Variants in GABPB1 observed in about 807,000 individuals in gnomAD.
GABPB1 encodes GA-binding protein subunit beta-1.
GABPB1 carries 15 observed loss-of-function variants against 45.9 expected under a neutral mutation model. The ratio of observed to expected loss-of-function variants is 0.33; its 90% confidence interval spans 0.22 to 0.50. GABPB1 has a LOEUF of 0.50. Ranked by LOEUF, GABPB1 falls within the 20% of genes least tolerant of loss-of-function variation. The pLI, the probability that GABPB1 is intolerant of heterozygous loss-of-function variation, is 0.98. For synonymous variants in GABPB1, 143 were observed against 154.4 expected, an observed-to-expected ratio of 0.93 and a Z score of 0.55; for missense variants, 252 against 457.5, an observed-to-expected ratio of 0.55 and a Z score of 4.10.
chr15:50,319,719 C>G (rs2047488313), intron 1 of GABPB1, among the ~76,000 whole-genome samples: 1 of 152,090 alleles, frequency 6.6e-6, no homozygotes, highest in African/African-American at 2.4e-5. Flanking sequence ...CGCCTGTAAT[C>G]CCAGCTACTC....
chr15:50,279,597 T>C (rs2045912468), intron 8 of GABPB1, among the ~76,000 whole-genome samples: 1 of 152,186 alleles, frequency 6.6e-6, no homozygotes, highest in South Asian at 2.1e-4. Context: ...CTCTGCCCCA[T>C]TCAGTTATTG....
chr15:50,355,040 C>A lies in GABPB1; in HGVS notation c.-56G>T. The stretch of plus-strand genomic sequence containing the variant: ...GGCAGCAGGAGGTGGTGCGGGGACC[C>A]GAGGCGCCTCGTACCCGGCCGGGCT... On this transcript the variant is annotated 5_prime_UTR_variant, in exon 1 of 9. Coordinates refer to ENST00000380877, the MANE Select transcript of GABPB1 (RefSeq NM_016654.5). The A allele has an allele frequency of 6.5e-6, 1 of 154,982 alleles. No individual in the cohort carries two copies. The highest frequency in any genetic ancestry group is 1.4e-5 in the Non-Finnish European group (1 of 69,570). The allele number at this position is 154,982 out of a possible 1,614,324, so 9.6% of individuals were successfully genotyped here. A position where few individuals can be genotyped will look rare whatever the true frequency, so the allele number is the denominator to read the frequency against.
intron 8 of GABPB1, among the ~76,000 whole-genome samples, chr15:50,280,702 C>T (rs1426038489): frequency 6.6e-6 from 1 of 151,384 alleles, no homozygotes; most frequent in African/African-American, 2.4e-5. Context: ...GCAACTCCAC[C>T]GCACTCCAGC....
chr15:50,310,753 T>G (rs1378829712), intron 1 of GABPB1, among the ~76,000 whole-genome samples: 1 of 151,992 alleles, frequency 6.6e-6, no homozygotes, highest in African/African-American at 2.4e-5. Context: ...CTGAGGCAGG[T>G]GGATCCTTGA....
At chr15:50,284,126 A>T (rs1350555046) in intron 8 of GABPB1, among the ~76,000 whole-genome samples, 3 of 152,192 alleles carry the variant, frequency 2.0e-5, no homozygotes, top group Non-Finnish European at 4.4e-5. Context: ...CCTTAGGAGT[A>T]TAAAAGTCTC....
intron 8 of GABPB1, chr15:50,285,732 T>C (rs2140975694): frequency 1.2e-6 from 1 of 869,150 alleles, no homozygotes; most frequent in Non-Finnish European, 1.4e-6. Flanking sequence ...AAAAAAAATT[T>C]TAGCCAATAT....
chr15:50,316,960 C>A (rs1225659780), intron 1 of GABPB1, among the ~76,000 whole-genome samples: 2 of 151,942 alleles, frequency 1.3e-5, no homozygotes, highest in Admixed American at 6.5e-5. Flanking sequence ...AATATTATCT[C>A]TAATATTTCA....
intron 2 of GABPB1, 30 bp downstream of exon 2, chr15:50,309,661 A>T: frequency 7.6e-7 from 1 of 1,311,456 alleles, no homozygotes; most frequent in South Asian, 1.2e-5. Flanking sequence ...AGAAGGAAAA[A>T]GAACACACAA....
At chr15:50,289,865 G>A (rs1370205846) in intron 6 of GABPB1, among the ~76,000 whole-genome samples, 197 bp from the exon 7 acceptor site, 3 of 151,560 alleles carry the variant, frequency 2.0e-5, no homozygotes, top group African/African-American at 7.3e-5. Flanking sequence ...CTTAACTCCT[G>A]CACTCACGTA....
chr15:50,304,144 G>GAA lies in GABPB1; in HGVS notation c.109-13_109-12dup, dbSNP rs367702829. ...TGGAGAAGTTCCCAGCTGTACCACA[G>GAA]AAAAAAAAAAAAATCCACATTTACA... On this transcript the variant is annotated splice_polypyrimidine_tract_variant and intron_variant, in intron 2 of 8. Transcript: ENST00000380877. The GAA allele has an allele frequency of 7.7e-4, 922 of 1,198,870 alleles. No homozygotes were observed. The highest frequency in any genetic ancestry group is 2.8e-3 in the South Asian group (166 of 58,954). The allele number at this position is 1,198,870 out of a possible 1,614,324, so 74.3% of individuals were successfully genotyped here. A position where few individuals can be genotyped will look rare whatever the true frequency, so the allele number is the denominator to read the frequency against.
intron 1 of GABPB1, chr15:50,314,546 T>G (rs1237022973): frequency 6.6e-6 from 1 of 152,268 alleles, no homozygotes; most frequent in Non-Finnish European, 1.5e-5. Context: ...GTAGCAGCAC[T>G]GCCCCCTTCA....
intron 1 of GABPB1, among the ~76,000 whole-genome samples, chr15:50,342,264 T>C (rs1287244375): frequency 6.6e-6 from 1 of 152,148 alleles, no homozygotes; most frequent in African/African-American, 2.4e-5. Context: ...ACATTACAAA[T>C]GATTTATTTA....
chr15:50,354,281 A>AG, intron 1 of GABPB1: 1 of 411,280 alleles, frequency 2.4e-6, no homozygotes, highest in Non-Finnish European at 4.8e-6. Context: ...AGAAGTCCCG[A>AG]GCCTTCAGAA....
At chr15:50,320,332 T>C (rs2047517427) in intron 1 of GABPB1, among the ~76,000 whole-genome samples, 1 of 152,198 alleles carries the variant, frequency 6.6e-6, no homozygotes, top group Non-Finnish European at 1.5e-5. Context: ...CAGGCCCGGC[T>C]AATTTTTGCA....
At chr15:50,295,416 T>G (rs1376833849) in intron 6 of GABPB1, among the ~76,000 whole-genome samples, 2 of 152,164 alleles carry the variant, frequency 1.3e-5, no homozygotes, top group African/African-American at 4.8e-5. Flanking sequence ...CTTGCTAAAA[T>G]GTTCTTCCCC....
intron 1 of GABPB1, among the ~76,000 whole-genome samples, chr15:50,332,067 G>T (rs530475797): frequency 6.6e-6 from 1 of 151,866 alleles, no homozygotes; most frequent in Non-Finnish European, 1.5e-5. Flanking sequence ...TAGAGACGGG[G>T]TTTCACCATG....
At chr15:50,343,183 G>A (rs1297409602) in intron 1 of GABPB1, among the ~76,000 whole-genome samples, 1 of 152,094 alleles carries the variant, frequency 6.6e-6, no homozygotes, top group East Asian at 1.9e-4. Context: ...ACAGGCGTGA[G>A]CCACCGTGCC....
chr15:50,285,624 C>G (rs539920801), intron 8 of GABPB1, among the ~76,000 whole-genome samples: 5 of 152,192 alleles, frequency 3.3e-5, no homozygotes, highest in African/African-American at 1.2e-4. Flanking sequence ...AAGCAATTAT[C>G]TACTGCTTTT....
chr15:50,326,285 G>A (rs1333272999), intron 1 of GABPB1, among the ~76,000 whole-genome samples: 6 of 152,182 alleles, frequency 3.9e-5, no homozygotes, highest in Non-Finnish European at 5.9e-5. Flanking sequence ...AAGCCAAGGT[G>A]GGAAGATCGT....
Sources: gnomAD v4.1 joint callset for allele counts (sites outside exome capture counted in the v4.1 genomes callset) on GRCh38, gnomAD v4.1.1 for gene constraint, MANE v1.5 for transcripts, NCBI Gene and HGNC (gene_info 2026-07-23, HGNC 2026-07-21) for gene names.